The following SCN8A variants were observed in gnomAD, a reference collection of about 807,000 sequenced individuals.
SCN8A encodes sodium voltage-gated channel alpha subunit 8.
A neutral mutation model predicts 184.1 loss-of-function variants in SCN8A; 30 were observed. The observed-to-expected ratio is 0.16, with a 90% CI of 0.12 to 0.22. The LOEUF is 0.22. Ranked by LOEUF, SCN8A falls within the 10% of genes least tolerant of loss-of-function variation. The pLI, the probability that SCN8A is intolerant of heterozygous loss-of-function variation, is 1.00. For missense variants in SCN8A, 1,057 were observed against 2,498.9 expected, an observed-to-expected ratio of 0.42 and a Z score of 12.30; for synonymous variants, 852 against 907.0, an observed-to-expected ratio of 0.94 and a Z score of 1.09.
chr12:51,792,916 T>C (rs1938306376), intron 25 of SCN8A, among the ~76,000 whole-genome samples: 1 of 152,092 alleles, frequency 6.6e-6, no homozygotes, highest in Non-Finnish European at 1.5e-5. Context: ...CTAATTTTTG[T>C]ATTTTTAGTA....
At chr12:51,616,384 G>A (rs1939836693) in intron 1 of SCN8A, among the ~76,000 whole-genome samples, 1 of 152,038 alleles carries the variant, frequency 6.6e-6, no homozygotes, top group Non-Finnish European at 1.5e-5. Flanking sequence ...CCTGGCTCAC[G>A]GATCACTTGA....
chr12:51,682,734 C>T (rs1232301008), intron 2 of SCN8A, among the ~76,000 whole-genome samples: 9 of 152,154 alleles, frequency 5.9e-5, no homozygotes, highest in Admixed American at 5.2e-4. Flanking sequence ...CTTTCACTCA[C>T]ACAGTGAGAT....
At chr12:51,688,746 T>G in intron 5 of SCN8A, 1 of 1,607,184 alleles carries the variant, frequency 6.2e-7, no homozygotes. Flanking sequence ...TAACTTTGGT[T>G]TGATTCTGCA....
chr12:51,643,280 T>A (rs1284213460), intron 1 of SCN8A, among the ~76,000 whole-genome samples: 3 of 152,172 alleles, frequency 2.0e-5, no homozygotes, highest in Non-Finnish European at 4.4e-5. Context: ...CCCAATGTGA[T>A]CCTAGGAATT....
rs766280087 is a variant in SCN8A at position 51,789,233 on chromosome 12, C to T, written c.4282-48C>T. 28 of 1,608,410 alleles carry T rather than the reference C, an allele frequency of 1.7e-5. No homozygotes were observed. In the Middle Eastern group the frequency reaches 6.6e-4, roughly 38 times the overall value. ...CGGCTGATGGCCTTGGCGTGTCAAA[C>T]TCCAAACTAGGAGCTGATTCTCTTC... On this transcript the variant is annotated intron_variant, in intron 23 of 26. Coordinates refer to ENST00000627620, the MANE Select transcript of SCN8A (RefSeq NM_001330260.2).
At chr12:51,736,159 T>C (rs1333428364) in intron 12 of SCN8A, among the ~76,000 whole-genome samples, 2 of 152,232 alleles carry the variant, frequency 1.3e-5, no homozygotes, top group African/African-American at 4.8e-5. Context: ...TTGTATGGGA[T>C]ACCAGTAATG....
intron 14 of SCN8A, among the ~76,000 whole-genome samples, chr12:51,759,814 A>T (rs1942735660): frequency 6.6e-6 from 1 of 152,264 alleles, no homozygotes; most frequent in Non-Finnish European, 1.5e-5. Context: ...TATAACAGAC[A>T]GAAATTTATT....
chr12:51,729,216 T>C (rs905006722), intron 12 of SCN8A, among the ~76,000 whole-genome samples: 2 of 152,184 alleles, frequency 1.3e-5, no homozygotes, highest in South Asian at 4.1e-4. Flanking sequence ...CACCCAAGAG[T>C]TAACCAAAGT....
chr12:51,630,070 C>G (rs1940166070), intron 1 of SCN8A, among the ~76,000 whole-genome samples: 1 of 152,192 alleles, frequency 6.6e-6, no homozygotes, highest in Non-Finnish European at 1.5e-5. Flanking sequence ...CTTAACTTCA[C>G]TGTGCCATGA....
At position 51,788,733 on chromosome 12, in the gene SCN8A, T is replaced by G; in HGVS notation, c.4266T>G (p.Ala1422=). The G allele has an allele frequency of 6.2e-7, 1 of 1,610,276 alleles. No individual in the cohort carries two copies. The highest frequency in any genetic ancestry group is 8.5e-7 in the Non-Finnish European group (1 of 1,177,994). The part of the protein sequence containing the change: ...FKGWMDIMYA[A]VDSRKPDEQP... ...GCTGGATGGACATCATGTATGCAGC[T>G]GTAGATTCCCGGAAGGTAAGGATGT... The change falls in exon 23 of 27, where the codon GCT becomes GCG. Residue 1422 remains alanine (A), a synonymous_variant. Transcript: ENST00000627620.
intron 3 of SCN8A, 26 bp downstream of exon 3, chr12:51,684,318 G>T: frequency 9.2e-7 from 1 of 1,085,882 alleles, no homozygotes; most frequent in South Asian, 1.2e-5. Flanking sequence ...AATGTGGAGT[G>T]AGTGCGGCAA....
At chr12:51,749,424 A>G (rs915465849) in intron 13 of SCN8A, among the ~76,000 whole-genome samples, 1 of 152,234 alleles carries the variant, frequency 6.6e-6, no homozygotes, top group Admixed American at 6.5e-5. Flanking sequence ...GCCAATGAGC[A>G]ACAGTCGTTT....
intron 12 of SCN8A, among the ~76,000 whole-genome samples, chr12:51,743,687 T>G (rs1055865586): frequency 6.6e-6 from 1 of 152,180 alleles, no homozygotes; most frequent in Non-Finnish European, 1.5e-5. Context: ...CTGCCACCTG[T>G]GTTCACTCAG....
intron 1 of SCN8A, among the ~76,000 whole-genome samples, chr12:51,625,468 T>C (rs1043277564): frequency 5.3e-5 from 8 of 152,246 alleles, no homozygotes; most frequent in Non-Finnish European, 8.8e-5. Flanking sequence ...ACAAAGCTGC[T>C]ATAAATATTT....
intron 26 of SCN8A, among the ~76,000 whole-genome samples, chr12:51,804,371 G>C (rs1938635413): frequency 1.3e-5 from 2 of 151,624 alleles, no homozygotes; most frequent in Admixed American, 6.6e-5. Context: ...CTGTCGCCCA[G>C]GCTGGGGTGT....
chr12:51,643,321 T>C (rs1339923165), intron 1 of SCN8A, among the ~76,000 whole-genome samples: 1 of 152,226 alleles, frequency 6.6e-6, no homozygotes, highest in Non-Finnish European at 1.5e-5. Flanking sequence ...GAGTCTCGCT[T>C]TCTTTCCTCA....
rs3782477 is a variant in SCN8A at position 51,674,419 on chromosome 12, G to A, written c.277-9755G>A. On this transcript the variant is annotated intron_variant, in intron 2 of 26. Transcript: ENST00000627620. ...ACAGTCTCGGCTCACTGCAACCTCC[G>A]CCTCCCGGGTTCAAATGATTCTCCT... Among the ~76,000 whole-genome samples, 1,514 of 152,050 alleles carry A rather than the reference G, an allele frequency of 1.0e-2. 64 individuals carry two copies. Among genetic ancestry groups the A allele is most frequent in the Admixed American group, 0.066 (1,000 of 15,266 alleles).
intron 1 of SCN8A, among the ~76,000 whole-genome samples, chr12:51,651,576 A>G (rs886990378): frequency 2.6e-5 from 4 of 152,204 alleles, no homozygotes; most frequent in African/African-American, 7.2e-5. Flanking sequence ...AAACCATCAG[A>G]TCTCAGGAGA....
chr12:51,756,187 C>T (rs1942671443), intron 14 of SCN8A, among the ~76,000 whole-genome samples: 1 of 152,184 alleles, frequency 6.6e-6, no homozygotes. Flanking sequence ...CCAGGCCACC[C>T]CTCGTCACCC....
Sources: gnomAD v4.1 joint callset for allele counts (sites outside exome capture counted in the v4.1 genomes callset) on GRCh38, gnomAD v4.1.1 for gene constraint, MANE v1.5 for transcripts, NCBI Gene and HGNC (gene_info 2026-07-23, HGNC 2026-07-21) for gene names.